Variants in KDM4C observed in about 807,000 individuals in gnomAD.
KDM4C encodes lysine-specific demethylase 4C.
Under a neutral mutation model 129.3 loss-of-function variants are expected in KDM4C, and 81 were observed. The observed-to-expected ratio is 0.63, with a 90% confidence interval of 0.52 to 0.75. KDM4C has a LOEUF of 0.75. Ranked by LOEUF, KDM4C falls within the 30% of genes least tolerant of loss-of-function variation. The pLI, the probability that KDM4C is intolerant of heterozygous loss-of-function variation, is 0.00. For synonymous variants in KDM4C, 573 were observed against 456.1 expected (o/e 1.26, Z -3.26); for missense variants, 1,457 against 1,304.0 (o/e 1.12, Z -1.81).
At chr9:6,954,532 G>C (rs1828734395) in intron 8 of KDM4C, among the ~76,000 whole-genome samples, 1 of 151,980 alleles carries the variant, frequency 6.6e-6, no homozygotes, top group Non-Finnish European at 1.5e-5. Flanking sequence ...TGTTAGCCTG[G>C]GGACCAAGGA....
intron 8 of KDM4C, among the ~76,000 whole-genome samples, chr9:6,919,246 C>T (rs867576791): frequency 1.8e-4 from 7 of 38,002 alleles, no homozygotes; most frequent in African/African-American, 3.1e-4. Context: ...TTCTTTCTTT[C>T]TTTTCTTTCT....
chr9:6,933,547 C>G (rs945507176), intron 8 of KDM4C, among the ~76,000 whole-genome samples: 2 of 152,116 alleles, frequency 1.3e-5, no homozygotes, highest in Admixed American at 1.3e-4. Flanking sequence ...TACTTTCAGG[C>G]TGAATTTGAC....
intron 17 of KDM4C, chr9:7,076,624 T>C: frequency 7.1e-7 from 1 of 1,407,008 alleles, no homozygotes; most frequent in Middle Eastern, 1.8e-4. Context: ...AGCTCCTGAT[T>C]GAGTCAGACC....
chr9:6,956,057 T>C (rs1467538754), intron 8 of KDM4C, among the ~76,000 whole-genome samples: 1 of 152,092 alleles, frequency 6.6e-6, no homozygotes, highest in Non-Finnish European at 1.5e-5. Context: ...ATCAAAAGAA[T>C]TGAACTCATG....
chr9:6,818,167 A>T (rs1180257140), intron 4 of KDM4C, among the ~76,000 whole-genome samples: 1 of 152,172 alleles, frequency 6.6e-6, no homozygotes, highest in Non-Finnish European at 1.5e-5. Flanking sequence ...TTTACCACCA[A>T]AGAGTTGAGA....
chr9:6,884,852 C>G (rs1845014363), intron 6 of KDM4C, among the ~76,000 whole-genome samples: 1 of 152,138 alleles, frequency 6.6e-6, no homozygotes, highest in Non-Finnish European at 1.5e-5. Context: ...AAAATAATTT[C>G]TTAGCAATAG....
Position 6,793,136 on chromosome 9 carries a change from A to T in KDM4C, c.144+4A>T. 1 of 1,611,750 alleles carries T rather than the reference A, an allele frequency of 6.2e-7. No homozygotes were observed. The highest frequency in any genetic ancestry group is 1.7e-5 in the Admixed American group (1 of 59,650). On this transcript the variant is annotated splice_donor_region_variant and intron_variant, in intron 2 of 21. Coordinates refer to ENST00000381309, the MANE Select transcript of KDM4C (RefSeq NM_015061.6). ...CCATCGTGCGGGTCTTGCAAAGGTG[A>T]TTATCCTTCGATGCTTTAAATGAAA... is the stretch of plus-strand genomic sequence containing the variant.
At chr9:7,136,312 G>A (rs1841202353) in intron 19 of KDM4C, among the ~76,000 whole-genome samples, 1 of 152,198 alleles carries the variant, frequency 6.6e-6, no homozygotes, top group Admixed American at 6.5e-5. Context: ...GGCTTTGTAT[G>A]GACATGTGTT....
At chr9:6,964,234 C>G (rs1017188316) in intron 8 of KDM4C, among the ~76,000 whole-genome samples, 1 of 139,784 alleles carries the variant, frequency 7.2e-6, no homozygotes, top group Non-Finnish European at 1.6e-5. Context: ...TGCTATCCCT[C>G]CCCCCTCCCC....
chr9:6,877,614 T>C (rs1329703541), intron 5 of KDM4C, among the ~76,000 whole-genome samples: 2 of 152,214 alleles, frequency 1.3e-5, no homozygotes, highest in Non-Finnish European at 2.9e-5. Context: ...ATTAAAAGAA[T>C]AGTAGTATCT....
At chr9:6,746,777 G>A (rs1170153228) in intron 1 of KDM4C, among the ~76,000 whole-genome samples, 1 of 149,816 alleles carries the variant, frequency 6.7e-6, no homozygotes, top group Non-Finnish European at 1.5e-5. Flanking sequence ...GGGAGGCGGA[G>A]GTGGGTGGAT....
chr9:7,037,171 C>T (rs569569119), intron 15 of KDM4C, among the ~76,000 whole-genome samples: 1 of 152,104 alleles, frequency 6.6e-6, no homozygotes, highest in African/African-American at 2.4e-5. Flanking sequence ...TCAGAGAGCC[C>T]TATTTTACGG....
intron 1 of KDM4C, among the ~76,000 whole-genome samples, chr9:6,783,797 G>A (rs574740741): frequency 1.3e-5 from 2 of 152,244 alleles, no homozygotes; most frequent in South Asian, 4.2e-4. Flanking sequence ...AAAGTTACTG[G>A]CAACTTTTTC....
At chr9:7,032,740 G>A (rs956163655) in intron 15 of KDM4C, among the ~76,000 whole-genome samples, 7 of 152,132 alleles carry the variant, frequency 4.6e-5, no homozygotes, top group African/African-American at 1.4e-4. Context: ...TGCCTCCTCT[G>A]CTCAGCTTTT....
chr9:6,740,762 G>T (rs887184221), intron 1 of KDM4C, among the ~76,000 whole-genome samples: 1 of 147,772 alleles, frequency 6.8e-6, no homozygotes. Context: ...CAAGTGATTC[G>T]CCCACCTCAG....
rs370615570 is a variant in KDM4C, at chr9:6,804,690, C to T, written c.145-909C>T. Among the ~76,000 whole-genome samples the T allele has an allele frequency of 7.1e-3, 1,065 of 149,214 alleles. 13 individuals carry two copies. Among genetic ancestry groups the T allele is most frequent in the African/African-American group, 0.025 (1,011 of 40,366 alleles). On this transcript the variant is annotated intron_variant, in intron 2 of 21. Coordinates refer to ENST00000381309, the MANE Select transcript of KDM4C (RefSeq NM_015061.6). ...GGAGAATCGCTTGAACCCAGGGAAG[C>T]GGAGGTTGCAGTGAGCTGAGATCGT... is the stretch of plus-strand genomic sequence containing the variant.
chr9:7,092,460 C>T (rs961848059), intron 17 of KDM4C, among the ~76,000 whole-genome samples: 8 of 152,168 alleles, frequency 5.3e-5, no homozygotes, highest in African/African-American at 1.4e-4. Flanking sequence ...CCTCATTTTG[C>T]ATTAATCTGA....
At chr9:6,763,621 C>T (rs757378842) in intron 1 of KDM4C, among the ~76,000 whole-genome samples, 4 of 152,052 alleles carry the variant, frequency 2.6e-5, no homozygotes, top group Non-Finnish European at 4.4e-5. Context: ...TAAATTTTCT[C>T]CTATGAATCA....
chr9:7,012,395 A>G lies in KDM4C; in HGVS notation c.1968+516A>G, dbSNP rs949569159. 7.2e-5 allele frequency among the ~76,000 whole-genome samples: 11 copies of G among 152,026 alleles called. No homozygotes were observed. In the East Asian group the frequency reaches 9.6e-4, roughly 13 times the overall value. ...TGGGTGGGTTACTTTCAACTTTTCT[A>G]TCTCTTTTACTAAGAAACACAGAAC... On this transcript the variant is annotated intron_variant, in intron 13 of 21. Transcript: ENST00000381309.
Sources: allele counts gnomAD v4.1 joint callset (sites outside exome capture counted in the v4.1 genomes callset), GRCh38; gene constraint gnomAD v4.1.1; transcripts MANE v1.5; gene names NCBI Gene and HGNC (gene_info 2026-07-23, HGNC 2026-07-21).